Variants in FLI1 observed in about 807,000 individuals in gnomAD.
The protein encoded by FLI1 is Friend leukemia integration 1 transcription factor.
A neutral mutation model predicts 53.1 loss-of-function variants in FLI1; 13 were observed. The observed-to-expected ratio is 0.24, with a 90% CI of 0.16 to 0.39. The LOEUF (loss-of-function observed/expected upper bound fraction) is 0.39. FLI1 is among the 10% of genes least tolerant of loss of function. FLI1 has a pLI of 1.00. For missense variants in FLI1, 424 were observed against 600.5 expected (o/e 0.71, Z 3.07); for synonymous variants, 244 against 236.7 (o/e 1.03, Z -0.28).
chr11:128,736,682 G>GTA (rs961491082), intron 1 of FLI1, among the ~76,000 whole-genome samples: 1 of 152,210 alleles, frequency 6.6e-6, no homozygotes, highest in African/African-American at 2.4e-5. Context: ...AGCAAATTCT[G>GTA]TATATATAAT....
chr11:128,780,414 G>GGA (rs774809831), intron 4 of FLI1, among the ~76,000 whole-genome samples: 3 of 152,156 alleles, frequency 2.0e-5, no homozygotes, highest in Non-Finnish European at 4.4e-5. Flanking sequence ...TGACCAACAT[G>GGA]GAGAAACCCC....
chr11:128,736,901 A>G (rs1330702357), intron 1 of FLI1, among the ~76,000 whole-genome samples: 28 of 152,198 alleles, frequency 1.8e-4, no homozygotes, highest in Admixed American at 1.8e-3. Flanking sequence ...CTGAGGGCAG[A>G]GCCTGACTCA....
chr11:128,727,399 T>G (rs1939527369), intron 1 of FLI1, among the ~76,000 whole-genome samples: 1 of 152,172 alleles, frequency 6.6e-6, no homozygotes, highest in African/African-American at 2.4e-5. Context: ...CAAGCCACTT[T>G]AAGTCCTCAA....
intron 2 of FLI1, among the ~76,000 whole-genome samples, chr11:128,758,782 T>C (rs1298572286): frequency 6.6e-6 from 1 of 152,158 alleles, no homozygotes; most frequent in African/African-American, 2.4e-5. Flanking sequence ...GGTGTCTACC[T>C]TCCTGTGGGG....
chr11:128,721,434 T>C (rs1939246528), intron 1 of FLI1, among the ~76,000 whole-genome samples: 1 of 152,198 alleles, frequency 6.6e-6, no homozygotes, highest in Non-Finnish European at 1.5e-5. Context: ...GCAGGGGAGA[T>C]GCCTGTCAAG....
At chr11:128,689,234 C>T (rs955337325), upstream of FLI1, among the ~76,000 whole-genome samples, 1 of 152,156 alleles carries the variant, frequency 6.6e-6, no homozygotes, top group Non-Finnish European at 1.5e-5. Context: ...AGGATGGAGG[C>T]GTGGAGGGAC....
intron 1 of FLI1, among the ~76,000 whole-genome samples, chr11:128,736,326 G>T (rs1164227249): frequency 2.6e-5 from 4 of 152,216 alleles, no homozygotes; most frequent in Non-Finnish European, 5.9e-5. Context: ...TCCAATGAAA[G>T]GGGTGATACG....
intron 1 of FLI1, among the ~76,000 whole-genome samples, chr11:128,733,446 C>T (rs933476585): frequency 2.0e-5 from 3 of 152,172 alleles, no homozygotes; most frequent in East Asian, 1.9e-4. Context: ...CTACACACTC[C>T]GCCATTCAAG....
intron 1 of FLI1, among the ~76,000 whole-genome samples, chr11:128,716,432 A>C (rs1256747557): frequency 6.6e-6 from 1 of 152,098 alleles, no homozygotes; most frequent in African/African-American, 2.4e-5. Flanking sequence ...ATTGACTTTC[A>C]TTTTCTCCAA....
chr11:128,721,557 T>C (rs1939252110), intron 1 of FLI1, among the ~76,000 whole-genome samples: 1 of 152,180 alleles, frequency 6.6e-6, no homozygotes, highest in Non-Finnish European at 1.5e-5. Context: ...GCTGCTGAGC[T>C]GTAGAGAGAC....
intron 1 of FLI1, among the ~76,000 whole-genome samples, chr11:128,752,968 T>C (rs1247563881): frequency 6.6e-6 from 1 of 152,186 alleles, no homozygotes; most frequent in African/African-American, 2.4e-5. Context: ...AAAGCAAGCA[T>C]TTCTATCGGC....
intron 5 of FLI1, among the ~76,000 whole-genome samples, chr11:128,788,235 C>T (rs920902410): frequency 6.6e-6 from 1 of 151,960 alleles, no homozygotes; most frequent in Non-Finnish European, 1.5e-5. Context: ...TTTGGGAGGC[C>T]AAGGTGGGCA....
rs533989279 is a variant in FLI1 at position 128,776,313 on chromosome 11, G to T, written c.589+3328G>T. Among the ~76,000 whole-genome samples the T allele has an allele frequency of 2.6e-5, 4 of 152,190 alleles. No homozygotes were observed. In the South Asian group the frequency reaches 8.3e-4, roughly 32 times the overall value. ...CCCCCACCACCACAGGAAATGCAAG[G>T]AGGACTGTGATGGCTGGGGTGGCCA... On this transcript the variant is annotated intron_variant, in intron 4 of 8. Coordinates refer to ENST00000527786, the MANE Select transcript of FLI1 (RefSeq NM_002017.5).
At chr11:128,746,958 C>G (rs1220082836) in intron 1 of FLI1, among the ~76,000 whole-genome samples, 1 of 152,186 alleles carries the variant, frequency 6.6e-6, no homozygotes, top group African/African-American at 2.4e-5. Flanking sequence ...GGGAAGCAAG[C>G]AGTGTGGTGA....
intron 1 of FLI1, among the ~76,000 whole-genome samples, chr11:128,697,572 G>A (rs1317814178): frequency 1.3e-5 from 2 of 152,170 alleles, no homozygotes; most frequent in Non-Finnish European, 2.9e-5. Context: ...TCTTGAATCT[G>A]TTTCCTTATC....
intron 5 of FLI1, among the ~76,000 whole-genome samples, chr11:128,801,804 C>T (rs1471615267): frequency 6.6e-6 from 1 of 152,166 alleles, no homozygotes; most frequent in Non-Finnish European, 1.5e-5. Flanking sequence ...CTGTGTGGGG[C>T]CCTGTTCTAA....
intron 1 of FLI1, among the ~76,000 whole-genome samples, chr11:128,715,853 T>C (rs1168421669): frequency 1.3e-5 from 2 of 152,208 alleles, no homozygotes; most frequent in Non-Finnish European, 1.5e-5. Flanking sequence ...AGGATAACAT[T>C]AATGACAAGT....
At chr11:128,758,994 C>G (rs530251400) in intron 2 of FLI1, among the ~76,000 whole-genome samples, 62 of 152,342 alleles carry the variant, frequency 4.1e-4, no homozygotes, top group Middle Eastern at 6.8e-3. Context: ...CATCGAAACC[C>G]CTCAGAGCAC....
At chr11:128,758,582 G>GC (rs1940989673) in intron 2 of FLI1, among the ~76,000 whole-genome samples, 1 of 152,192 alleles carries the variant, frequency 6.6e-6, no homozygotes. Flanking sequence ...GGCCCCAAGC[G>GC]CCTATGCAGA....
Sources: allele counts gnomAD v4.1 joint callset (sites outside exome capture counted in the v4.1 genomes callset), GRCh38; gene constraint gnomAD v4.1.1; transcripts MANE v1.5; gene names NCBI Gene and HGNC (gene_info 2026-07-23, HGNC 2026-07-21).